Variants in KIAA1549 observed in about 807,000 individuals in gnomAD.
KIAA1549 encodes KIAA1549.
Under a neutral mutation model 156.4 loss-of-function variants are expected in KIAA1549, and 70 were observed. The observed-to-expected ratio is 0.45, with a 90% CI of 0.37 to 0.55. The LOEUF is 0.55. Among genes scored for constraint, KIAA1549 ranks in the 20% least tolerant of loss-of-function variants. The pLI is 0.00. For missense variants in KIAA1549, 2,428 were observed against 2,540.9 expected (o/e 0.96, Z 0.96); for synonymous variants, 1,103 against 1,066.4 (o/e 1.03, Z -0.67).
intron 15 of KIAA1549, among the ~76,000 whole-genome samples, chr7:138,863,956 A>T (rs1277946792): frequency 2.6e-5 from 4 of 152,192 alleles, no homozygotes; most frequent in African/African-American, 7.2e-5. Flanking sequence ...AGGTGGATAA[A>T]GGTCCACAGT....
chr7:138,956,922 G>A (rs13308167), intron 1 of KIAA1549, among the ~76,000 whole-genome samples: 38 of 151,964 alleles, frequency 2.5e-4, no homozygotes, highest in African/African-American at 8.7e-4. Context: ...AGGTGGAGGG[G>A]CTAAGGCACA....
intron 1 of KIAA1549, among the ~76,000 whole-genome samples, chr7:138,972,544 C>G (rs745352997): frequency 5.9e-5 from 9 of 152,086 alleles, no homozygotes; most frequent in Non-Finnish European, 1.3e-4. Context: ...ATCCCTGACT[C>G]GGGCCAATGG....
At chr7:138,932,525 T>C (rs1021863334) in intron 1 of KIAA1549, among the ~76,000 whole-genome samples, 1 of 152,220 alleles carries the variant, frequency 6.6e-6, no homozygotes, top group African/African-American at 2.4e-5. Context: ...CTGAAGAAGC[T>C]ATTTAAAAGC....
At chr7:138,977,573 C>T (rs1814415538) in intron 1 of KIAA1549, among the ~76,000 whole-genome samples, 1 of 151,680 alleles carries the variant, frequency 6.6e-6, no homozygotes, top group African/African-American at 2.4e-5. Flanking sequence ...GCATTTTGAA[C>T]AAAAGATGCA....
At position 138,918,553 on chromosome 7, in the gene KIAA1549, T is replaced by C. The variant is rs1486364603; in HGVS notation, c.1073A>G (p.His358Arg). 4 of 1,614,050 alleles carry C rather than the reference T, an allele frequency of 2.5e-6. No individual in the cohort carries two copies. Among genetic ancestry groups the C allele is most frequent in the South Asian group, 1.1e-5 (1 of 91,088 alleles). Reference protein sequence around the residue: ...SHAALAFSRTHSPLLSTPLAF... With the variant: ...SHAALAFSRTRSPLLSTPLAF... The stretch of plus-strand genomic sequence containing the variant: ...AAGAGGAGTTGAAAGCAATGGAGAA[T>C]GTGTCCTGCTGAATGCAAGGGCTGC... Residue 358 changes from histidine (H) to arginine (R), a missense_variant, in exon 2 of 20, where the codon CAT becomes CGT. His to Arg is a conservative substitution (Grantham distance 29). This residue lies in a region of KIAA1549 where 893 missense variants were observed against 847.9 expected (regional missense o/e 1.05). Transcript: ENST00000422774. The surrounding 1 kb of genome is among the most constrained non-coding windows in gnomAD (Gnocchi z 4.2).
intron 1 of KIAA1549, among the ~76,000 whole-genome samples, chr7:138,949,940 C>T (rs552362812): frequency 4.6e-5 from 7 of 152,246 alleles, no homozygotes; most frequent in East Asian, 1.9e-4. Context: ...TCTTCCTAGT[C>T]GGTGCCAAAT....
intron 15 of KIAA1549, among the ~76,000 whole-genome samples, chr7:138,863,948 G>A (rs1345364682): frequency 2.0e-5 from 3 of 152,172 alleles, no homozygotes; most frequent in African/African-American, 7.2e-5. Flanking sequence ...TCCTTGTGAG[G>A]TGGATAAAGG....
rs1201752539 is a variant in KIAA1549, at chr7:138,883,089, T to TAAAAAAAAAAAAAAAA, written c.4033-1521_4033-1506dup. On this transcript the variant is annotated intron_variant, in intron 10 of 19. Transcript: ENST00000422774. ...CAACATGGTGAAACCCCATCTCCCC[T>TAAAAAAAAAAAAAAAA]AAAAAAAAAAAAAAAAAAAAAAAAA... Among the ~76,000 whole-genome samples the TAAAAAAAAAAAAAAAA allele has an allele frequency of 2.3e-4, 11 of 47,064 alleles. 5 individuals are homozygous for TAAAAAAAAAAAAAAAA. The highest frequency in any genetic ancestry group is 9.5e-4 in the African/African-American group (11 of 11,540). 30.9% of individuals were successfully genotyped at this position (47,064 alleles called of 152,430 possible).
intron 1 of KIAA1549, among the ~76,000 whole-genome samples, chr7:138,972,022 G>C (rs1046850286): frequency 6.6e-6 from 1 of 152,124 alleles, no homozygotes; most frequent in Non-Finnish European, 1.5e-5. Flanking sequence ...AGTAGAGGTC[G>C]TGACAGTCAC....
chr7:138,924,194 T>C (rs59248708), intron 1 of KIAA1549, among the ~76,000 whole-genome samples: 27,373 of 134,278 alleles, frequency 0.2, 4,048 homozygotes, highest in African/African-American at 0.44. Context: ...TTTTTTTTTT[T>C]CTTTTTTTTT....
chr7:138,900,077 G>T (rs932279402), intron 8 of KIAA1549, among the ~76,000 whole-genome samples: 2 of 152,120 alleles, frequency 1.3e-5, no homozygotes, highest in African/African-American at 4.8e-5. Context: ...CTCTACATTT[G>T]CCATTGGCAA....
rs1809598168 is a variant in KIAA1549, at chr7:138,833,398, G to A, written c.*4508C>T. ...ACTGGAACACTTAGAAAAAAGTTGT[G>A]CGAAAGAAGGAACGCTGAACCTGTC... is the stretch of plus-strand genomic sequence containing the variant. On this transcript the variant is annotated 3_prime_UTR_variant, in exon 20 of 20. Coordinates refer to ENST00000422774, the MANE Select transcript of KIAA1549 (RefSeq NM_001164665.2). The A allele has an allele frequency of 4.3e-6, 1 of 232,464 alleles. No individual in the cohort carries two copies. Among genetic ancestry groups the A allele is most frequent in the Non-Finnish European group, 8.5e-6 (1 of 117,666 alleles). 14.4% of individuals were successfully genotyped at this position (232,464 alleles called of 1,614,324 possible). A position where few individuals can be genotyped will look rare whatever the true frequency, so the allele number is the denominator to read the frequency against.
chr7:138,915,236 C>G (rs1211510372), intron 2 of KIAA1549, among the ~76,000 whole-genome samples: 2 of 152,152 alleles, frequency 1.3e-5, no homozygotes, highest in African/African-American at 4.8e-5. Context: ...CCAAACCCGT[C>G]TCTGATTATC....
Position 138,836,237 on chromosome 7 carries a change from T to C in KIAA1549, c.*1669A>G, listed in dbSNP as rs1563041850. The C allele has an allele frequency of 9.9e-6, 2 of 202,910 alleles. No homozygotes were observed. The highest frequency in any genetic ancestry group is 1.0e-5 in the Non-Finnish European group (1 of 98,866). 12.6% of individuals were successfully genotyped at this position (202,910 alleles called of 1,614,324 possible). On this transcript the variant is annotated 3_prime_UTR_variant, in exon 20 of 20. Coordinates refer to ENST00000422774, the MANE Select transcript of KIAA1549 (RefSeq NM_001164665.2). ...TATTGATGGTAGTCCCATAAGATTA[T>C]AAAATTGTATTTTTACCATACCTTT... is the stretch of plus-strand genomic sequence containing the variant.
chr7:138,905,188 A>G (rs1811972577), intron 6 of KIAA1549, 107 bp from the exon 7 acceptor site: 1 of 764,308 alleles, frequency 1.3e-6, no homozygotes, highest in South Asian at 1.6e-5. Flanking sequence ...TCTAAATGTG[A>G]AAGAACAAAA....
At chr7:138,899,257 C>G in intron 8 of KIAA1549, 125 bp from the exon 9 acceptor site, 1 of 823,954 alleles carries the variant, frequency 1.2e-6, no homozygotes, top group South Asian at 1.6e-5. Flanking sequence ...GCTCCGTAAG[C>G]CATTCAGGGG....
At chr7:138,947,168 C>A (rs1229356671) in intron 1 of KIAA1549, among the ~76,000 whole-genome samples, 2 of 152,112 alleles carry the variant, frequency 1.3e-5, no homozygotes, top group Non-Finnish European at 2.9e-5. Flanking sequence ...AATCTGCAGT[C>A]CCATGTTGAC....
intron 17 of KIAA1549, among the ~76,000 whole-genome samples, chr7:138,846,533 CAAAAAAAAAAAAAAA>C (rs1213246866): frequency 1.7e-5 from 1 of 60,010 alleles, no homozygotes; most frequent in African/African-American, 6.6e-5. Flanking sequence ...GACTCCATCT[CAAAAAAAAAAAAAAA>C]AAAAAAAAAG....
At chr7:138,959,503 T>C (rs1813775337) in intron 1 of KIAA1549, among the ~76,000 whole-genome samples, 1 of 152,226 alleles carries the variant, frequency 6.6e-6, no homozygotes, top group African/African-American at 2.4e-5. Context: ...ATAAAAAGCC[T>C]GCAATTAACC....
Sources: gnomAD v4.1 joint callset for allele counts (sites outside exome capture counted in the v4.1 genomes callset) on GRCh38, gnomAD v4.1.1 for gene constraint, gnomAD v4.1.1 regional missense constraint, Gnocchi (gnomAD v3.1) non-coding constraint, MANE v1.5 for transcripts, NCBI Gene and HGNC (gene_info 2026-07-23, HGNC 2026-07-21) for gene names.